Variants in AP1G1 observed in about 807,000 individuals in gnomAD.
AP1G1 encodes the protein adaptor related protein complex 1 subunit gamma 1.
In AP1G1, 7 loss-of-function variants were observed where a neutral mutation model predicts 108.3. The ratio of observed to expected loss-of-function variants is 0.06; its 90% CI spans 0.04 to 0.12. AP1G1 has a LOEUF of 0.12. Among genes scored for constraint, AP1G1 ranks in the 10% least tolerant of loss-of-function variants. AP1G1 has a pLI of 1.00. For missense variants in AP1G1, 756 were observed against 1,010.7 expected, an observed-to-expected ratio of 0.75 and a Z score of 3.42; for synonymous variants, 379 against 353.5, an observed-to-expected ratio of 1.07 and a Z score of -0.81.
At chr16:71,765,447 AAATTC>A in intron 7 of AP1G1, 37 bp downstream of exon 7, 1 of 1,432,352 alleles carries the variant, frequency 7.0e-7, no homozygotes, top group Non-Finnish European at 9.8e-7. Flanking sequence ...TAAAGATATT[AAATTC>A]ATATAACATT....
intron 1 of AP1G1, among the ~76,000 whole-genome samples, chr16:71,805,810 G>T (rs1321567043): frequency 6.6e-6 from 1 of 152,118 alleles, no homozygotes; most frequent in Admixed American, 6.6e-5. Context: ...CGAGGCAAGA[G>T]GATTGCTTGA....
chr16:71,740,340 C>A (rs1467974767), intron 19 of AP1G1, among the ~76,000 whole-genome samples: 1 of 152,208 alleles, frequency 6.6e-6, no homozygotes, highest in Non-Finnish European at 1.5e-5. Flanking sequence ...TCTTCAGACA[C>A]TGCCAACCCC....
At chr16:71,794,866 C>CTTTTTTTTTTTTTTTTTTTTTTTTTTTTT (rs2032528877) in intron 1 of AP1G1, among the ~76,000 whole-genome samples, 35 of 46,632 alleles carry the variant, frequency 7.5e-4, no homozygotes, top group African/African-American at 1.0e-3. Context: ...TTTTTTTTTA[C>CTTTTTTTTTTTTTTTTTTTTTTTTTTTTT]TTTGAAATGC....
At chr16:71,749,481 T>TAA (rs58512452) in intron 15 of AP1G1, among the ~76,000 whole-genome samples, 52 of 146,052 alleles carry the variant, frequency 3.6e-4, no homozygotes, top group African/African-American at 1.2e-3. Flanking sequence ...GAGACTCTAT[T>TAA]AAAAAAAAAA....
At chr16:71,797,673 C>A (rs529981932) in intron 1 of AP1G1, among the ~76,000 whole-genome samples, 1 of 152,090 alleles carries the variant, frequency 6.6e-6, no homozygotes, top group Non-Finnish European at 1.5e-5. Flanking sequence ...GTGGTGCACG[C>A]CTGTGACCCC....
At position 71,757,469 on chromosome 16, in the gene AP1G1, G is replaced by A. The variant is rs181398162; in HGVS notation, c.1089-1310C>T. ...TCTCCAAAAAAAAAAAAAAATTAAC[G>A]AGTGGGGATACTTTCATCTTAGCTA... On this transcript the variant is annotated intron_variant, in intron 11 of 22. Coordinates refer to ENST00000299980, the MANE Select transcript of AP1G1 (RefSeq NM_001128.6). 3.4e-4 allele frequency among the ~76,000 whole-genome samples: 51 copies of A among 151,818 alleles called. No individual in the cohort carries two copies. The East Asian group carries it at 8.7e-3, about 26-fold the overall frequency.
At chr16:71,764,768 A>C in intron 7 of AP1G1, 42 bp from the exon 8 acceptor site, 8 of 1,269,894 alleles carry the variant, frequency 6.3e-6, no homozygotes, top group Non-Finnish European at 9.0e-6. Context: ...ATTATGTCTC[A>C]CACAAAGAAA....
At chr16:71,806,585 TGAG>T (rs2033004652) in intron 1 of AP1G1, 4 of 688,120 alleles carry the variant, frequency 5.8e-6, no homozygotes, top group Non-Finnish European at 8.4e-6. Context: ...TGAAAAACAC[TGAG>T]TTAACTAACA....
At chr16:71,777,645 G>C in intron 2 of AP1G1, 1 of 458,702 alleles carries the variant, frequency 2.2e-6, no homozygotes, top group Non-Finnish European at 4.5e-6. Flanking sequence ...TAGGGATCCG[G>C]TTCATCCTCC....
chr16:71,775,316 G>A (rs560728213), intron 2 of AP1G1, among the ~76,000 whole-genome samples: 13 of 152,194 alleles, frequency 8.5e-5, no homozygotes, highest in Non-Finnish European at 1.6e-4. Context: ...ACAGGCCTGA[G>A]CCACCGCGCC....
chr16:71,766,497 C>T, intron 6 of AP1G1: 1 of 449,740 alleles, frequency 2.2e-6, no homozygotes, highest in Non-Finnish European at 4.6e-6. Flanking sequence ...ACAATAGGAA[C>T]TTTTTATGTT....
At chr16:71,768,501 A>AAAAAAAAAG (rs1491461753) in intron 6 of AP1G1, among the ~76,000 whole-genome samples, 1 of 24,550 alleles carries the variant, frequency 4.1e-5, no homozygotes, top group African/African-American at 1.5e-4. Context: ...ACTCCGCCAC[A>AAAAAAAAAG]AAAAAAAAAA....
intron 10 of AP1G1, among the ~76,000 whole-genome samples, chr16:71,759,742 A>C (rs1351431467): frequency 6.6e-6 from 1 of 151,938 alleles, no homozygotes; most frequent in Non-Finnish European, 1.5e-5. Context: ...CCTAGGCGAC[A>C]GAGCGAGACT....
At chr16:71,758,787 G>GA in intron 11 of AP1G1, 21 bp downstream of exon 11, 1 of 1,444,334 alleles carries the variant, frequency 6.9e-7, no homozygotes, top group East Asian at 2.3e-5. Flanking sequence ...ACTAGACTGA[G>GA]AAAGGCTCTC....
intron 15 of AP1G1, among the ~76,000 whole-genome samples, chr16:71,749,566 G>A (rs2030374737): frequency 6.6e-6 from 1 of 151,692 alleles, no homozygotes; most frequent in African/African-American, 2.4e-5. Flanking sequence ...ATTCGCGTTT[G>A]CTTCTTTAAA....
At chr16:71,754,005 CGAG>C (rs1228833961) in intron 12 of AP1G1, 118 bp from the exon 13 acceptor site, 1 of 923,110 alleles carries the variant, frequency 1.1e-6, no homozygotes, top group Non-Finnish European at 1.7e-6. Context: ...CTTGGGAGGC[CGAG>C]GTGGGAGATC....
chr16:71,797,370 G>GA (rs2032623951), intron 1 of AP1G1, among the ~76,000 whole-genome samples: 1 of 151,754 alleles, frequency 6.6e-6, no homozygotes, highest in South Asian at 2.1e-4. Context: ...AACTTGCTTT[G>GA]AAAAAAAGCA....
At chr16:71,780,364 C>T (rs1049208053) in intron 2 of AP1G1, among the ~76,000 whole-genome samples, 4 of 151,878 alleles carry the variant, frequency 2.6e-5, no homozygotes, top group African/African-American at 9.7e-5. Context: ...TGGTGGCATG[C>T]ACCTGTAGTC....
intron 1 of AP1G1, among the ~76,000 whole-genome samples, chr16:71,799,681 A>G (rs2032713714): frequency 6.7e-6 from 1 of 149,788 alleles, no homozygotes; most frequent in Non-Finnish European, 1.5e-5. Context: ...TAGGCGGATC[A>G]TGAAGTCAGG....
Sources: allele counts gnomAD v4.1 joint callset (sites outside exome capture counted in the v4.1 genomes callset), GRCh38; gene constraint gnomAD v4.1.1; transcripts MANE v1.5; gene names NCBI Gene and HGNC (gene_info 2026-07-23, HGNC 2026-07-21).